The following ANO6 variants were observed in gnomAD, a reference collection of about 807,000 sequenced individuals.
ANO6 encodes the protein anoctamin-6.
In ANO6, 106 loss-of-function variants were observed where a neutral mutation model predicts 117.5. The observed-to-expected ratio is 0.90, with a 90% CI of 0.77 to 1.06. The LOEUF is 1.06. ANO6 is among the 50% of genes least tolerant of loss of function. The probability of loss-of-function intolerance (pLI) is 0.00; values close to 1 mark genes in which losing one functional copy is unlikely to be tolerated. For missense variants in ANO6, 955 were observed against 1,121.1 expected, an observed-to-expected ratio of 0.85 and a Z score of 2.12; for synonymous variants, 367 against 385.1, an observed-to-expected ratio of 0.95 and a Z score of 0.55.
intron 2 of ANO6, among the ~76,000 whole-genome samples, chr12:45,315,488 GC>G (rs2137346213): frequency 6.6e-6 from 1 of 151,936 alleles, no homozygotes; most frequent in South Asian, 2.1e-4. Flanking sequence ...TCTCTTTCTG[GC>G]CACTCCCGTT....
intron 1 of ANO6, among the ~76,000 whole-genome samples, chr12:45,246,425 A>C (rs551371714): frequency 6.6e-6 from 1 of 152,254 alleles, no homozygotes; most frequent in East Asian, 1.9e-4. Flanking sequence ...TTGAGCATTC[A>C]AATTAGAGTA....
chr12:45,322,602 C>T (rs932888207), intron 2 of ANO6, among the ~76,000 whole-genome samples: 1 of 152,078 alleles, frequency 6.6e-6, no homozygotes, highest in African/African-American at 2.4e-5. Context: ...AGTTGGTGAA[C>T]AGGAGAACTG....
At chr12:45,410,279 A>C (rs973231675) in intron 16 of ANO6, among the ~76,000 whole-genome samples, 7 of 152,138 alleles carry the variant, frequency 4.6e-5, no homozygotes, top group African/African-American at 1.7e-4. Flanking sequence ...TGCCTTTGAC[A>C]GCCTATTTCT....
At chr12:45,226,767 A>G (rs775835693) in intron 1 of ANO6, among the ~76,000 whole-genome samples, 4 of 151,940 alleles carry the variant, frequency 2.6e-5, no homozygotes, top group Non-Finnish European at 4.4e-5. Context: ...TTTAAGAAAA[A>G]TATATTTCCC....
At chr12:45,232,194 T>C (rs1371261067) in intron 1 of ANO6, among the ~76,000 whole-genome samples, 1 of 152,224 alleles carries the variant, frequency 6.6e-6, no homozygotes, top group Admixed American at 6.5e-5. Context: ...ATAGAGCTTA[T>C]ATTCTAATAA....
At chr12:45,352,482 T>G (rs1354505162) in intron 7 of ANO6, among the ~76,000 whole-genome samples, 1 of 150,490 alleles carries the variant, frequency 6.6e-6, no homozygotes, top group Non-Finnish European at 1.5e-5. Context: ...ATCCCAGCAC[T>G]TTAGGAAGCC....
At chr12:45,341,935 T>C (rs1193980973) in intron 3 of ANO6, among the ~76,000 whole-genome samples, 1 of 152,180 alleles carries the variant, frequency 6.6e-6, no homozygotes, top group Non-Finnish European at 1.5e-5. Context: ...CTACAGCGCT[T>C]ATCATATGCC....
intron 1 of ANO6, among the ~76,000 whole-genome samples, chr12:45,295,839 C>A (rs538295982): frequency 1.3e-5 from 2 of 151,780 alleles, no homozygotes; most frequent in East Asian, 3.9e-4. Flanking sequence ...TGATTACAGG[C>A]GCTTTTTAAA....
At chr12:45,343,197 A>G (rs926936663) in intron 3 of ANO6, among the ~76,000 whole-genome samples, 1 of 152,192 alleles carries the variant, frequency 6.6e-6, no homozygotes, top group Non-Finnish European at 1.5e-5. Flanking sequence ...TAATAAGGCC[A>G]TTGAACAGAG....
chr12:45,369,944 C>T (rs1941780933), intron 9 of ANO6, among the ~76,000 whole-genome samples: 1 of 152,192 alleles, frequency 6.6e-6, no homozygotes, highest in Non-Finnish European at 1.5e-5. Flanking sequence ...AAAATTTTGA[C>T]TTTGCTGCTT....
At chr12:45,223,113 AC>A (rs1271218945) in intron 1 of ANO6, among the ~76,000 whole-genome samples, 1 of 152,174 alleles carries the variant, frequency 6.6e-6, no homozygotes, top group African/African-American at 2.4e-5. Flanking sequence ...TTTATAATAA[AC>A]TGGTAAACGG....
chr12:45,242,990 T>C (rs1393500411), intron 1 of ANO6, among the ~76,000 whole-genome samples: 1 of 152,220 alleles, frequency 6.6e-6, no homozygotes, highest in Non-Finnish European at 1.5e-5. Flanking sequence ...CTTTATTTTC[T>C]ATAAGTAATG....
intron 9 of ANO6, among the ~76,000 whole-genome samples, chr12:45,373,164 A>C (rs918596092): frequency 1.3e-5 from 2 of 152,204 alleles, no homozygotes; most frequent in Non-Finnish European, 2.9e-5. Flanking sequence ...AGAGCTAACT[A>C]TCCTAAATAT....
chr12:45,359,880 G>A (rs1328654631), intron 8 of ANO6, among the ~76,000 whole-genome samples: 1 of 152,174 alleles, frequency 6.6e-6, no homozygotes, highest in African/African-American at 2.4e-5. Flanking sequence ...TTTCCAAAGT[G>A]ACTGCATATT....
chr12:45,417,428 G>C (rs1306217457), intron 17 of ANO6, among the ~76,000 whole-genome samples: 1 of 152,152 alleles, frequency 6.6e-6, no homozygotes, highest in Non-Finnish European at 1.5e-5. Context: ...AGGAAGGTGG[G>C]TGGGTTTCAT....
intron 10 of ANO6, among the ~76,000 whole-genome samples, chr12:45,382,773 AC>A (rs1469263966): frequency 2.0e-5 from 3 of 152,186 alleles, no homozygotes; most frequent in African/African-American, 7.2e-5. Flanking sequence ...AAATGTACAT[AC>A]CTTAATTAAA....
chr12:45,316,230 G>A (rs1317267929), intron 2 of ANO6, among the ~76,000 whole-genome samples: 3 of 152,014 alleles, frequency 2.0e-5, no homozygotes, highest in Non-Finnish European at 4.4e-5. Context: ...TAAAAAGATG[G>A]CACAGTCTAT....
At chr12:45,219,599 T>C (rs10785557) in intron 1 of ANO6, among the ~76,000 whole-genome samples, 26,821 of 151,024 alleles carry the variant, frequency 0.18, 3,801 homozygotes, top group African/African-American at 0.38. Context: ...CTACCTCGGC[T>C]TCCCAAAGTG....
intron 9 of ANO6, 58 bp downstream of exon 9, chr12:45,367,851 A>G (rs1941726255): frequency 1.6e-6 from 2 of 1,238,546 alleles, no homozygotes; most frequent in Non-Finnish European, 2.4e-6. Context: ...TCTAATGCTA[A>G]TTTAGATAAA....
Sources: gnomAD v4.1 joint callset for allele counts (sites outside exome capture counted in the v4.1 genomes callset) on GRCh38, gnomAD v4.1.1 for gene constraint, MANE v1.5 for transcripts, NCBI Gene and HGNC (gene_info 2026-07-23, HGNC 2026-07-21) for gene names.